The following PHIP variants were observed in gnomAD, a reference collection of about 807,000 sequenced individuals.
PHIP encodes PHIP subunit of CUL4-Ring ligase complex, also known as PH-interacting protein.
In PHIP, 54 loss-of-function variants were observed where a neutral mutation model predicts 236.8. The observed-to-expected ratio is 0.23, with a 90% CI of 0.18 to 0.29. PHIP has a LOEUF of 0.29. PHIP is among the 10% of genes least tolerant of loss of function. The pLI is 1.00. For missense variants in PHIP, 1,370 were observed against 2,190.8 expected (o/e 0.63, Z 7.48); for synonymous variants, 756 against 718.9 (o/e 1.05, Z -0.83).
chr6:79,024,786 C>A (rs1229535918), intron 9 of PHIP, among the ~76,000 whole-genome samples: 4 of 152,054 alleles, frequency 2.6e-5, no homozygotes, highest in African/African-American at 4.8e-5. Context: ...GCCTGGGCGA[C>A]ACAGTGAGAC....
At position 79,025,632 on chromosome 6, in the gene PHIP, T is replaced by C. The variant is rs562692305; in HGVS notation, c.823-13A>G. ...ACAATGGTGAGAACTGAAAAGACAA[T>C]CACAGAAAAAAAATCTTTACAAGAG... On this transcript the variant is annotated splice_polypyrimidine_tract_variant and intron_variant, in intron 8 of 39. Transcript: ENST00000275034. The C allele has an allele frequency of 1.3e-6, 2 of 1,515,662 alleles. No individual in the cohort carries two copies. Among genetic ancestry groups the C allele is most frequent in the African/African-American group, 1.4e-5 (1 of 71,876 alleles). 93.9% of individuals were successfully genotyped at this position (1,515,662 alleles called of 1,614,324 possible).
Position 78,965,997 on chromosome 6 carries a change from C to T in PHIP, c.3265G>A (p.Glu1089Lys). ...AWWFGTIESQ[E>K]PLQLEYPDSL... ...TCAGGGTACTCAAGTTGAAGAGGTT[C>T]CTGGCTTTCGATTGTTCCAAACCAC... Residue 1089 changes from glutamate (E) to lysine (K), a missense_variant, in exon 28 of 40, where the codon GAA (glutamate) becomes AAA (lysine). Physicochemically the swap from Glu to Lys is moderately conservative, Grantham distance 56. Coordinates refer to ENST00000275034, the MANE Select transcript of PHIP (RefSeq NM_017934.7). 1 of 1,613,754 alleles carries T rather than the reference C, an allele frequency of 6.2e-7. No homozygotes were observed. The highest frequency in any genetic ancestry group is 8.5e-7 in the Non-Finnish European group (1 of 1,179,730).
At position 78,946,097 on chromosome 6, in the gene PHIP, C is replaced by T; in HGVS notation, c.4534G>A (p.Val1512Ile). ...TGCTCAGTGACAACTGGATCTACAA[C>T]CACTCGGTTGCTTCTGGTTCGAACC... The part of the protein sequence containing the change: ...SVVRTRSNRV[V>I]VDPVVTEQPS... Residue 1512 changes from valine (V) to isoleucine (I), a missense_variant, in exon 38 of 40, where the codon GTT becomes ATT. Physicochemically the swap from Val to Ile is conservative, Grantham distance 29. Coordinates refer to ENST00000275034, the MANE Select transcript of PHIP (RefSeq NM_017934.7). 6.2e-7 allele frequency: 1 copy of T among 1,613,844 alleles called. No homozygotes were observed. The highest frequency in any genetic ancestry group is 8.5e-7 in the Non-Finnish European group (1 of 1,179,732).
intron 19 of PHIP, among the ~76,000 whole-genome samples, chr6:78,994,129 G>T (rs958648628): frequency 6.6e-6 from 1 of 152,158 alleles, no homozygotes; most frequent in African/African-American, 2.4e-5. Context: ...ATTAGAAGCG[G>T]CAACTAAAGA....
chr6:79,075,396 CTGA>C (rs1274817020), intron 4 of PHIP, among the ~76,000 whole-genome samples: 1 of 152,106 alleles, frequency 6.6e-6, no homozygotes, highest in Non-Finnish European at 1.5e-5. Flanking sequence ...TCTAAACTGT[CTGA>C]TGAGTATGCC....
At chr6:79,019,942 A>G (rs547949476) in intron 9 of PHIP, among the ~76,000 whole-genome samples, 5 of 152,266 alleles carry the variant, frequency 3.3e-5, no homozygotes, top group African/African-American at 9.6e-5. Flanking sequence ...ATGTTCCAAT[A>G]TACTGATTAT....
intron 9 of PHIP, 79 bp from the exon 10 acceptor site, chr6:79,019,238 T>C: frequency 9.6e-7 from 1 of 1,045,384 alleles, no homozygotes. Flanking sequence ...CAAAAAATAA[T>C]CCCAGAAGGA....
intron 19 of PHIP, among the ~76,000 whole-genome samples, chr6:78,996,757 T>C (rs541666734): frequency 3.3e-5 from 5 of 152,158 alleles, no homozygotes; most frequent in African/African-American, 7.2e-5. Flanking sequence ...AACTAGACAA[T>C]CTTAAATTCA....
chr6:78,980,384 G>A (rs1004890742), intron 23 of PHIP, among the ~76,000 whole-genome samples: 6 of 151,974 alleles, frequency 3.9e-5, no homozygotes, highest in African/African-American at 1.4e-4. Context: ...TGATGGCAGT[G>A]GAGTGGTGAA....
intron 15 of PHIP, among the ~76,000 whole-genome samples, chr6:79,012,763 A>T (rs1296983022): frequency 4.0e-5 from 6 of 151,722 alleles, no homozygotes; most frequent in Non-Finnish European, 7.4e-5. Context: ...TCTTAATAGC[A>T]ATGCTGGATG....
In PHIP at chr6:79,015,683, T is replaced by G. The variant is rs1319393641; in HGVS notation, c.1336A>C (p.Met446Leu). The G allele has an allele frequency of 6.2e-7, 1 of 1,607,030 alleles. No homozygotes were observed. The highest frequency in any genetic ancestry group is 1.1e-5 in the South Asian group (1 of 90,800). Residue 446 changes from methionine to leucine, a missense_variant, in exon 14 of 40, where the codon ATG (methionine) becomes CTG (leucine). This residue lies in a region of PHIP where 188 missense variants were observed against 354.3 expected (regional missense o/e 0.53). Coordinates refer to ENST00000275034, the MANE Select transcript of PHIP (RefSeq NM_017934.7). ...TAAGAATTCCAAACTTTCAGAGTCA[T>G]GTTATTAACTGCAGTTATAACTGTA... The part of the protein sequence containing the change: ...DNTVITAVNN[M>L]TLKVWNSYTG...
At chr6:78,968,822 A>G (rs1288960840) in intron 27 of PHIP, among the ~76,000 whole-genome samples, 1 of 152,212 alleles carries the variant, frequency 6.6e-6, no homozygotes, top group Non-Finnish European at 1.5e-5. Flanking sequence ...AAGCTGTAAA[A>G]AACATTCTTC....
intron 14 of PHIP, 98 bp from the exon 15 acceptor site, chr6:79,015,314 A>G: frequency 1.0e-6 from 1 of 985,442 alleles, no homozygotes; most frequent in Non-Finnish European, 1.5e-6. Flanking sequence ...CTAGAAATGG[A>G]GTTTTAAGAA....
At chr6:79,022,894 G>A (rs1021109434) in intron 9 of PHIP, among the ~76,000 whole-genome samples, 7 of 152,132 alleles carry the variant, frequency 4.6e-5, no homozygotes, top group Admixed American at 1.3e-4. Context: ...ATTTCCCCCA[G>A]CAGAATATAC....
At position 78,941,086 on chromosome 6, in the gene PHIP, T is replaced by A. The variant is rs571545144; in HGVS notation, c.5073A>T (p.Thr1691=). ...PIRDEVLPSS[T]CNFLSETNNV... ...TATTAGTTTCAGAAAGAAAATTGCA[T>A]GTTGAAGAAGGAAGTACTTCATCTC... The change falls in exon 40 of 40, where the codon ACA becomes ACT. Residue 1691 remains threonine (T), a synonymous_variant. Transcript: ENST00000275034. 17 of 1,614,124 alleles carry A rather than the reference T, an allele frequency of 1.1e-5. No individual in the cohort carries two copies. The highest frequency in any genetic ancestry group is 1.4e-5 in the Non-Finnish European group (17 of 1,179,984).
intron 24 of PHIP, among the ~76,000 whole-genome samples, chr6:78,973,351 C>A (rs1266957914): frequency 6.6e-6 from 1 of 150,516 alleles, no homozygotes; most frequent in Non-Finnish European, 1.5e-5. Flanking sequence ...ACCACCAGGC[C>A]TGCCCTACAA....
chr6:79,024,379 C>T (rs550582313), intron 9 of PHIP, among the ~76,000 whole-genome samples: 23 of 152,288 alleles, frequency 1.5e-4, no homozygotes, highest in East Asian at 9.6e-4. Flanking sequence ...CTTTCCACCC[C>T]GAGTGGCAGA....
At position 79,003,720 on chromosome 6, in the gene PHIP, C is replaced by A; in HGVS notation, c.1653+10G>T. On this transcript the variant is annotated intron_variant, in intron 16 of 39. Transcript: ENST00000275034. ...AAATAAGGACATGATATATAGTCAT[C>A]ATACTCTACCTTGTCATATTTGCTA... The A allele has an allele frequency of 6.3e-7, 1 of 1,588,828 alleles. No individual in the cohort carries two copies. Among genetic ancestry groups the A allele is most frequent in the Non-Finnish European group, 8.5e-7 (1 of 1,169,718 alleles).
intron 18 of PHIP, among the ~76,000 whole-genome samples, chr6:78,998,018 T>G (rs1333648750): frequency 6.6e-6 from 1 of 152,196 alleles, no homozygotes; most frequent in Admixed American, 6.5e-5. Context: ...TCTACATGTT[T>G]ACTATAGAAA....
Sources: allele counts gnomAD v4.1 joint callset (sites outside exome capture counted in the v4.1 genomes callset), GRCh38; gene constraint gnomAD v4.1.1; regional missense constraint gnomAD v4.1.1; transcripts MANE v1.5; gene names NCBI Gene and HGNC (gene_info 2026-07-23, HGNC 2026-07-21).